Variants in SH3GL2 observed in about 807,000 individuals in gnomAD.
SH3GL2 encodes the protein endophilin-A1.
Under a neutral mutation model 46.0 loss-of-function variants are expected in SH3GL2, and 24 were observed. That is an observed-to-expected ratio of 0.52 (90% CI 0.38 to 0.73). The LOEUF (loss-of-function observed/expected upper bound fraction) is 0.73, where lower values mean the gene tolerates loss of function less well. SH3GL2 is among the 30% of genes least tolerant of loss of function. The pLI, the probability that SH3GL2 is intolerant of heterozygous loss-of-function variation, is 0.00. For synonymous variants in SH3GL2, 196 were observed against 147.1 expected (o/e 1.33, Z -2.40); for missense variants, 413 against 424.2 (o/e 0.97, Z 0.23).
rs375050613 is a variant in SH3GL2 at position 17,795,751 on chromosome 9, T to G, written c.*8T>G. 2.5e-6 allele frequency: 4 copies of G among 1,610,872 alleles called. No individual in the cohort carries two copies. Among genetic ancestry groups the G allele is most frequent in the Non-Finnish European group, 3.4e-6 (4 of 1,177,748 alleles). On this transcript the variant is annotated 3_prime_UTR_variant, in exon 9 of 9. Coordinates refer to ENST00000380607, the MANE Select transcript of SH3GL2 (RefSeq NM_003026.5). Reference sequence around the variant, plus strand: ...GTTGCCCTGCCCCATTAGGATGTTATGCTGGCTGGCTCGCCTCCTCTTGAC... The same window carrying G: ...GTTGCCCTGCCCCATTAGGATGTTAGGCTGGCTGGCTCGCCTCCTCTTGAC...
rs1224660159 is a variant in SH3GL2, at chr9:17,664,570, A to G, written c.46-82496A>G. On this transcript the variant is annotated intron_variant, in intron 1 of 8. Transcript: ENST00000380607. ...ATTTAAGTGCATTACATATTAAGAA[A>G]TTCATATCAAACTTTTGAAAAACAA... Among the ~76,000 whole-genome samples the G allele has an allele frequency of 2.0e-5, 3 of 152,124 alleles. No homozygotes were observed. The East Asian group carries it at 5.8e-4, about 29-fold the overall frequency.
intron 1 of SH3GL2, among the ~76,000 whole-genome samples, chr9:17,745,922 C>G (rs1421237893): frequency 6.6e-6 from 1 of 152,108 alleles, no homozygotes; most frequent in East Asian, 1.9e-4. Flanking sequence ...GGAAAAGCAT[C>G]TATCTTTACA....
intron 1 of SH3GL2, among the ~76,000 whole-genome samples, chr9:17,705,800 G>A (rs1001709630): frequency 6.6e-6 from 1 of 151,942 alleles, no homozygotes; most frequent in Non-Finnish European, 1.5e-5. Flanking sequence ...GGACCTACTC[G>A]AGGGTAGAGA....
At chr9:17,738,116 T>A (rs1366388643) in intron 1 of SH3GL2, among the ~76,000 whole-genome samples, 1 of 152,164 alleles carries the variant, frequency 6.6e-6, no homozygotes, top group African/African-American at 2.4e-5. Flanking sequence ...CCAGACAGCA[T>A]GTGCCTGTTT....
chr9:17,647,300 A>T (rs140907143), intron 1 of SH3GL2, among the ~76,000 whole-genome samples: 1 of 152,248 alleles, frequency 6.6e-6, no homozygotes, highest in Admixed American at 6.5e-5. Context: ...TAAAATGAAT[A>T]ATAGCTAACA....
At chr9:17,694,423 G>C (rs1286259097) in intron 1 of SH3GL2, among the ~76,000 whole-genome samples, 2 of 152,072 alleles carry the variant, frequency 1.3e-5, no homozygotes, top group Non-Finnish European at 2.9e-5. Flanking sequence ...TTTCTTAACT[G>C]TTCTATTGTA....
chr9:17,659,031 A>G (rs1023238369), intron 1 of SH3GL2, among the ~76,000 whole-genome samples: 3 of 152,202 alleles, frequency 2.0e-5, no homozygotes, highest in Non-Finnish European at 4.4e-5. Context: ...GTAACTTTTA[A>G]TGGGAGAAGA....
chr9:17,738,099 C>T (rs1822394002), intron 1 of SH3GL2, among the ~76,000 whole-genome samples: 1 of 152,084 alleles, frequency 6.6e-6, no homozygotes, highest in Non-Finnish European at 1.5e-5. Context: ...AACAAAACTG[C>T]AGGTTCCCAG....
intron 1 of SH3GL2, among the ~76,000 whole-genome samples, chr9:17,731,565 C>T (rs893631343): frequency 1.3e-5 from 2 of 152,180 alleles, no homozygotes; most frequent in African/African-American, 4.8e-5. Context: ...AGGAATTGAG[C>T]GTTCACCAAA....
intron 1 of SH3GL2, among the ~76,000 whole-genome samples, chr9:17,627,189 T>A (rs887376016): frequency 6.6e-6 from 1 of 152,176 alleles, no homozygotes; most frequent in Non-Finnish European, 1.5e-5. Flanking sequence ...CAGCTGCTGT[T>A]TTTATTAGCA....
chr9:17,738,561 C>T (rs1296189878), intron 1 of SH3GL2, among the ~76,000 whole-genome samples: 1 of 47,626 alleles, frequency 2.1e-5, no homozygotes, highest in Non-Finnish European at 4.1e-5. Context: ...TGTGTATATA[C>T]ATACATATAT....
intron 1 of SH3GL2, among the ~76,000 whole-genome samples, chr9:17,607,689 C>T (rs1818785671): frequency 6.6e-6 from 1 of 152,164 alleles, no homozygotes; most frequent in African/African-American, 2.4e-5. Context: ...TTACATCATA[C>T]TGTATGGTCT....
chr9:17,759,772 A>G (rs1355520877), intron 2 of SH3GL2, among the ~76,000 whole-genome samples: 5 of 152,278 alleles, frequency 3.3e-5, no homozygotes, highest in South Asian at 2.1e-4. Flanking sequence ...TTTAATTCCT[A>G]TGGCACTCTT....
chr9:17,622,264 TC>T, intron 1 of SH3GL2, among the ~76,000 whole-genome samples: 1 of 152,042 alleles, frequency 6.6e-6, no homozygotes, highest in East Asian at 1.9e-4. Flanking sequence ...CATCCCGTAA[TC>T]CCCCCAAACA....
At chr9:17,606,453 C>T (rs2134572118) in intron 1 of SH3GL2, among the ~76,000 whole-genome samples, 1 of 152,304 alleles carries the variant, frequency 6.6e-6, no homozygotes, top group Admixed American at 6.5e-5. Context: ...AAGCTGCAGC[C>T]TGGCTTGGGA....
intron 2 of SH3GL2, among the ~76,000 whole-genome samples, chr9:17,749,132 C>T (rs992506791): frequency 6.6e-5 from 10 of 152,332 alleles, no homozygotes; most frequent in African/African-American, 2.2e-4. Flanking sequence ...CTGGCACCTA[C>T]TTCCTCCAAC....
chr9:17,687,833 C>T lies in SH3GL2; in HGVS notation c.46-59233C>T, dbSNP rs75375390. Among the ~76,000 whole-genome samples, 186 of 152,138 alleles carry T rather than the reference C, an allele frequency of 1.2e-3. 6 individuals are homozygous for T. The East Asian group carries it at 0.027, about 22-fold the overall frequency. On this transcript the variant is annotated intron_variant, in intron 1 of 8. Coordinates refer to ENST00000380607, the MANE Select transcript of SH3GL2 (RefSeq NM_003026.5). ...TATGGGGAAAGGGTCTCAAAGACCA[C>T]TTATTATCTGAGGCATACAATTTAG...
At chr9:17,679,558 A>G (rs1820711368) in intron 1 of SH3GL2, among the ~76,000 whole-genome samples, 1 of 152,280 alleles carries the variant, frequency 6.6e-6, no homozygotes, top group Non-Finnish European at 1.5e-5. Flanking sequence ...TAGATATACA[A>G]TCATGTCATC....
At chr9:17,710,525 T>C (rs1046950546) in intron 1 of SH3GL2, among the ~76,000 whole-genome samples, 6 of 151,914 alleles carry the variant, frequency 3.9e-5, no homozygotes, top group Non-Finnish European at 8.8e-5. Context: ...TGAATTACTA[T>C]ATGATGCAGG....
Sources: allele counts gnomAD v4.1 joint callset (sites outside exome capture counted in the v4.1 genomes callset), GRCh38; gene constraint gnomAD v4.1.1; transcripts MANE v1.5; gene names NCBI Gene and HGNC (gene_info 2026-07-23, HGNC 2026-07-21).